Variants in ROBO2 observed in about 807,000 individuals in gnomAD.
The protein encoded by ROBO2 is roundabout guidance receptor 2, also known as roundabout homolog 2.
ROBO2 carries 53 observed loss-of-function variants against 160.8 expected under a neutral mutation model. That is an observed-to-expected ratio of 0.33 (90% CI 0.26 to 0.41). The LOEUF (loss-of-function observed/expected upper bound fraction) is 0.41, where lower values mean the gene tolerates loss of function less well. ROBO2 is among the 10% of genes least tolerant of loss of function. The probability of loss-of-function intolerance (pLI) is 1.00; values close to 1 mark genes in which losing one functional copy is unlikely to be tolerated. For synonymous variants in ROBO2, 664 were observed against 611.7 expected, an observed-to-expected ratio of 1.09 and a Z score of -1.26; for missense variants, 1,577 against 1,722.4, an observed-to-expected ratio of 0.92 and a Z score of 1.49.
In ROBO2 at chr3:76,682,485, T is replaced by C. The variant is rs559293351; in HGVS notation, c.110-415529T>C. Among the ~76,000 whole-genome samples the C allele has an allele frequency of 5.6e-4, 85 of 152,220 alleles. 1 individual carries two copies. The highest frequency in any genetic ancestry group is 2.0e-3 in the African/African-American group (84 of 41,548). ...GTGCAGTAGCACGATCTCGGTTCACTGTGACCTCCACCTCCTGGGTTCAAG... is the reference window on the plus strand; with the variant it reads ...GTGCAGTAGCACGATCTCGGTTCACCGTGACCTCCACCTCCTGGGTTCAAG... On this transcript the variant is annotated intron_variant, in intron 2 of 26. Coordinates refer to the ROBO2 transcript ENST00000487694.
rs77462666 is a variant in ROBO2 at position 76,547,048 on chromosome 3, C to A, written c.110-550966C>A. 3.8e-3 allele frequency among the ~76,000 whole-genome samples: 580 copies of A among 152,078 alleles called. 7 individuals are homozygous for A. The highest frequency in any genetic ancestry group is 0.013 in the African/African-American group (558 of 41,536). Reference sequence around the variant, plus strand: ...TAGAGAGTCTTCAAAGTTCAATGCACAAAAGCAGTTAGGCTAATTTCCAGA... The same window carrying A: ...TAGAGAGTCTTCAAAGTTCAATGCAAAAAAGCAGTTAGGCTAATTTCCAGA... On this transcript the variant is annotated intron_variant, in intron 2 of 26. Coordinates refer to the ROBO2 transcript ENST00000487694.
chr3:75,923,394 G>T (rs1313209740), intron 1 of ROBO2, among the ~76,000 whole-genome samples: 1 of 152,170 alleles, frequency 6.6e-6, no homozygotes, highest in Non-Finnish European at 1.5e-5. Context: ...ACGTTTAGGG[G>T]CAGACACCCT....
At chr3:76,768,032 G>A (rs1009002065) in intron 2 of ROBO2, among the ~76,000 whole-genome samples, 4 of 151,456 alleles carry the variant, frequency 2.6e-5, no homozygotes, top group African/African-American at 9.7e-5. Flanking sequence ...TTAGCCAATT[G>A]GCACTGATAC....
chr3:77,643,830 A>G (rs1185796024), intron 24 of ROBO2, among the ~76,000 whole-genome samples: 1 of 152,104 alleles, frequency 6.6e-6, no homozygotes, highest in Non-Finnish European at 1.5e-5. Context: ...GTAGATGACA[A>G]TTTTAATATC....
intron 2 of ROBO2, among the ~76,000 whole-genome samples, chr3:77,418,894 G>T (rs969002589): frequency 1.3e-5 from 2 of 152,048 alleles, no homozygotes; most frequent in Admixed American, 1.3e-4. Flanking sequence ...ATTCATATGG[G>T]CAAAAGGGAT....
chr3:76,799,958 T>C (rs1383788191), intron 2 of ROBO2, among the ~76,000 whole-genome samples: 1 of 152,160 alleles, frequency 6.6e-6, no homozygotes, highest in Non-Finnish European at 1.5e-5. Context: ...TCACATTACT[T>C]GACTTCAAAC....
chr3:76,877,277 A>T (rs1022844960), intron 2 of ROBO2, among the ~76,000 whole-genome samples: 5 of 152,318 alleles, frequency 3.3e-5, no homozygotes, highest in African/African-American at 9.6e-5. Flanking sequence ...TAGTCAAAAG[A>T]TGGTAGTCTT....
chr3:76,649,087 T>C (rs879360274), intron 2 of ROBO2, among the ~76,000 whole-genome samples: 28 of 152,254 alleles, frequency 1.8e-4, no homozygotes, highest in Admixed American at 9.2e-4. Flanking sequence ...GAAGATGATG[T>C]GAATGATTAG....
At chr3:75,979,119 T>C (rs1409735811) in intron 2 of ROBO2, among the ~76,000 whole-genome samples, 3 of 151,442 alleles carry the variant, frequency 2.0e-5, no homozygotes, top group Non-Finnish European at 3.0e-5. Context: ...AACTAATCTA[T>C]AGACATTTGA....
intron 2 of ROBO2, among the ~76,000 whole-genome samples, chr3:77,182,863 A>T (rs1406034797): frequency 6.6e-6 from 1 of 152,042 alleles, no homozygotes; most frequent in Non-Finnish European, 1.5e-5. Context: ...GAATGCAAAA[A>T]CTTTTCATAA....
At chr3:77,187,628 TA>T (rs2081396868) in intron 2 of ROBO2, among the ~76,000 whole-genome samples, 1 of 151,934 alleles carries the variant, frequency 6.6e-6, no homozygotes, top group South Asian at 2.1e-4. Context: ...TGCTACATAT[TA>T]GTATTTTTTG....
intron 1 of ROBO2, among the ~76,000 whole-genome samples, chr3:77,060,388 G>A (rs945045788): frequency 3.9e-5 from 6 of 152,108 alleles, no homozygotes; most frequent in African/African-American, 1.2e-4. Context: ...TTCTACAGGT[G>A]GAAAATAAAA....
Position 76,003,243 on chromosome 3 carries a change from C to A in ROBO2, c.109+65641C>A, listed in dbSNP as rs111605884. Among the ~76,000 whole-genome samples, 406 of 152,254 alleles carry A rather than the reference C, an allele frequency of 2.7e-3. 1 individual carries two copies. Among genetic ancestry groups the A allele is most frequent in the African/African-American group, 9.5e-3 (394 of 41,532 alleles). Reference sequence around the variant, plus strand: ...CTCCCCATACTCTGCTAAATAAATACCAGTGGACATAACTACCAACATGCC... The same window carrying A: ...CTCCCCATACTCTGCTAAATAAATAACAGTGGACATAACTACCAACATGCC... On this transcript the variant is annotated intron_variant, in intron 2 of 26. Coordinates refer to the ROBO2 transcript ENST00000487694.
At chr3:77,293,027 A>G (rs1287622390) in intron 2 of ROBO2, among the ~76,000 whole-genome samples, 81 of 151,014 alleles carry the variant, frequency 5.4e-4, no homozygotes, top group African/African-American at 1.8e-3. Flanking sequence ...CACCAAAGAC[A>G]TAAAGTAAAA....
At chr3:77,316,285 C>T (rs1392184407) in intron 2 of ROBO2, among the ~76,000 whole-genome samples, 1 of 152,028 alleles carries the variant, frequency 6.6e-6, no homozygotes, top group Non-Finnish European at 1.5e-5. Context: ...GAGGTGACGA[C>T]GATGAACTGC....
At chr3:76,722,104 C>T (rs957408577) in intron 2 of ROBO2, among the ~76,000 whole-genome samples, 3 of 152,056 alleles carry the variant, frequency 2.0e-5, no homozygotes, top group African/African-American at 7.2e-5. Flanking sequence ...AGTGAACCAA[C>T]TGTAAACTGG....
chr3:76,331,690 A>ATTT (rs10713218), intron 2 of ROBO2, among the ~76,000 whole-genome samples: 2 of 144,362 alleles, frequency 1.4e-5, no homozygotes, highest in Non-Finnish European at 1.5e-5. Flanking sequence ...TAATATTTGA[A>ATTT]TTTTTTTTTT....
At chr3:77,442,448 T>C (rs1398336248) in intron 2 of ROBO2, among the ~76,000 whole-genome samples, 1 of 152,168 alleles carries the variant, frequency 6.6e-6, no homozygotes, top group Non-Finnish European at 1.5e-5. Context: ...TTTCAAACTT[T>C]TTTCACCCAA....
intron 2 of ROBO2, among the ~76,000 whole-genome samples, chr3:75,995,263 G>A (rs1214816174): frequency 6.6e-6 from 1 of 152,124 alleles, no homozygotes; most frequent in African/African-American, 2.4e-5. Flanking sequence ...AGGAAAAAAT[G>A]GTTTCCAGGA....
Sources: gnomAD v4.1 joint callset for allele counts (sites outside exome capture counted in the v4.1 genomes callset) on GRCh38, gnomAD v4.1.1 for gene constraint, MANE v1.5 for transcripts, NCBI Gene and HGNC (gene_info 2026-07-23, HGNC 2026-07-21) for gene names.